The following DMXL1 variants were observed in gnomAD, a reference collection of about 807,000 sequenced individuals.
DMXL1 encodes Dmx like 1.
A neutral mutation model predicts 319.2 loss-of-function variants in DMXL1; 99 were observed. The observed-to-expected ratio is 0.31, with a 90% CI of 0.26 to 0.37. DMXL1 has a LOEUF of 0.37. DMXL1 is among the 10% of genes least tolerant of loss of function. The pLI, the probability that DMXL1 is intolerant of heterozygous loss-of-function variation, is 1.00. For synonymous variants in DMXL1, 1,385 were observed against 1,235.2 expected (o/e 1.12, Z -2.54); for missense variants, 3,745 against 3,595.6 (o/e 1.04, Z -1.06).
intron 31 of DMXL1, among the ~76,000 whole-genome samples, chr5:119,197,489 C>T (rs977554393): frequency 2.0e-5 from 3 of 152,142 alleles, no homozygotes; most frequent in African/African-American, 7.2e-5. Flanking sequence ...TCATAATCTT[C>T]AGATACATTT....
At chr5:119,172,603 A>T (rs1305287741) in intron 25 of DMXL1, among the ~76,000 whole-genome samples, 11 of 152,234 alleles carry the variant, frequency 7.2e-5, no homozygotes, top group Admixed American at 7.2e-4. Context: ...TTAATTGTCT[A>T]ATCAACCAAA....
intron 19 of DMXL1, among the ~76,000 whole-genome samples, chr5:119,158,372 C>G (rs1001686475): frequency 1.3e-5 from 2 of 152,056 alleles, no homozygotes; most frequent in Non-Finnish European, 2.9e-5. Context: ...CTAACTGTTT[C>G]TTTGGTGGAG....
At chr5:119,187,414 C>T (rs4243445) in intron 28 of DMXL1, among the ~76,000 whole-genome samples, 131,704 of 152,134 alleles carry the variant, frequency 0.87, 57,147 homozygotes, top group East Asian at 0.99. Context: ...TAGTTTTTAT[C>T]GGTGCCCCTA....
intron 6 of DMXL1, 36 bp downstream of exon 6, chr5:119,114,577 T>C: frequency 7.0e-7 from 1 of 1,420,456 alleles, no homozygotes; most frequent in Non-Finnish European, 9.8e-7. Context: ...AATTATGTGT[T>C]TATAGTTTAC....
chr5:119,216,243 A>ATG (rs1163389143), intron 34 of DMXL1, among the ~76,000 whole-genome samples: 1 of 152,044 alleles, frequency 6.6e-6, no homozygotes, highest in South Asian at 2.1e-4. Context: ...AAGTCCAAAG[A>ATG]TGTATACACT....
chr5:119,193,181 T>C (rs780411254), intron 29 of DMXL1, among the ~76,000 whole-genome samples: 2 of 152,166 alleles, frequency 1.3e-5, no homozygotes, highest in African/African-American at 4.8e-5. Context: ...GTACAACTTA[T>C]TGGTGGCATT....
chr5:119,168,909 T>C (rs1317626831), intron 23 of DMXL1, among the ~76,000 whole-genome samples: 1 of 151,994 alleles, frequency 6.6e-6, no homozygotes, highest in Non-Finnish European at 1.5e-5. Context: ...TTTCTTTCTT[T>C]TTCTTCTTTC....
chr5:119,104,226 C>T (rs1262586014), intron 3 of DMXL1: 1 of 152,168 alleles, frequency 6.6e-6, no homozygotes, highest in East Asian at 1.9e-4. Flanking sequence ...ACATCTGTAG[C>T]TGTGGGATTG....
chr5:119,096,967 C>A (rs1188374999), intron 1 of DMXL1, among the ~76,000 whole-genome samples: 1 of 152,152 alleles, frequency 6.6e-6, no homozygotes, highest in Non-Finnish European at 1.5e-5. Context: ...GGACAAAAGA[C>A]ATTTAAAAAT....
chr5:119,116,349 G>T lies in DMXL1; in HGVS notation c.743+13G>T. On this transcript the variant is annotated intron_variant, in intron 7 of 43. Coordinates refer to ENST00000539542, the MANE Select transcript of DMXL1 (RefSeq NM_001290321.3). ...AATATATGCCTAGGTCAGTGGATTGGTCATTTCCCTCCACATATTAAGGGA... is the reference window on the plus strand; with the variant it reads ...AATATATGCCTAGGTCAGTGGATTGTTCATTTCCCTCCACATATTAAGGGA... 2 of 1,608,302 alleles carry T rather than the reference G, an allele frequency of 1.2e-6. No homozygotes were observed. Among genetic ancestry groups the T allele is most frequent in the East Asian group, 2.2e-5 (1 of 44,824 alleles).
chr5:119,216,463 G>A (rs1269163261), intron 34 of DMXL1, among the ~76,000 whole-genome samples: 1 of 152,092 alleles, frequency 6.6e-6, no homozygotes, highest in Non-Finnish European at 1.5e-5. Flanking sequence ...AATTTTTAAA[G>A]GGTTTGGAAA....
chr5:119,136,643 T>G (rs550453742), intron 13 of DMXL1, among the ~76,000 whole-genome samples: 79 of 152,358 alleles, frequency 5.2e-4, no homozygotes, highest in African/African-American at 1.5e-3. Flanking sequence ...TTCAGTGCCC[T>G]GCCTCCCAGC....
At chr5:119,072,916 G>T (rs1262914651) in intron 1 of DMXL1, among the ~76,000 whole-genome samples, 2 of 152,260 alleles carry the variant, frequency 1.3e-5, no homozygotes, top group Non-Finnish European at 2.9e-5. Context: ...CCTGGGCATT[G>T]CTCTCTGCTC....
chr5:119,194,360 A>C (rs1779223617), intron 30 of DMXL1, among the ~76,000 whole-genome samples: 1 of 152,226 alleles, frequency 6.6e-6, no homozygotes, highest in South Asian at 2.1e-4. Context: ...TTTCAGTAGA[A>C]CACTAGTACT....
At chr5:119,198,951 A>G (rs1168059607) in intron 32 of DMXL1, among the ~76,000 whole-genome samples, 3 of 152,110 alleles carry the variant, frequency 2.0e-5, no homozygotes, top group African/African-American at 7.2e-5. Flanking sequence ...GAGTGGCACA[A>G]TCACAGCTCA....
At chr5:119,244,024 C>G (rs1013545447) in intron 42 of DMXL1, among the ~76,000 whole-genome samples, 1 of 152,164 alleles carries the variant, frequency 6.6e-6, no homozygotes, top group Admixed American at 6.5e-5. Flanking sequence ...GCTGATTTTC[C>G]TCCGCTACTG....
intron 38 of DMXL1, among the ~76,000 whole-genome samples, chr5:119,226,139 G>T (rs1176481196): frequency 6.6e-6 from 1 of 152,162 alleles, no homozygotes; most frequent in Non-Finnish European, 1.5e-5. Flanking sequence ...CCTATTGTCA[G>T]AGGTGTTAGG....
chr5:119,180,732 GAATTC>G (rs1337309936), intron 28 of DMXL1, among the ~76,000 whole-genome samples: 1 of 151,926 alleles, frequency 6.6e-6, no homozygotes, highest in Admixed American at 6.6e-5. Context: ...TGAGATATCT[GAATTC>G]AATTAAGGAA....
chr5:119,223,936 C>G (rs979108959), intron 37 of DMXL1, among the ~76,000 whole-genome samples: 1 of 152,062 alleles, frequency 6.6e-6, no homozygotes, highest in Non-Finnish European at 1.5e-5. Context: ...TTTATCCTTT[C>G]ATTTTATCAA....
Sources: allele counts gnomAD v4.1 joint callset (sites outside exome capture counted in the v4.1 genomes callset), GRCh38; gene constraint gnomAD v4.1.1; transcripts MANE v1.5; gene names NCBI Gene and HGNC (gene_info 2026-07-23, HGNC 2026-07-21).